Variants in P4HB observed in about 807,000 individuals in gnomAD.
The protein encoded by P4HB is protein disulfide-isomerase.
A neutral mutation model predicts 52.6 loss-of-function variants in P4HB; 20 were observed. That is an observed-to-expected ratio of 0.38 (90% CI 0.27 to 0.55). The LOEUF is 0.55. P4HB is among the 20% of genes least tolerant of loss of function. The pLI is 0.74. For missense variants in P4HB, 601 were observed against 669.2 expected, an observed-to-expected ratio of 0.90 and a Z score of 1.12; for synonymous variants, 296 against 277.9, an observed-to-expected ratio of 1.07 and a Z score of -0.65.
Position 81,843,751 on chromosome 17 carries a change from A to G in P4HB, c.*261T>C. 1 of 584,464 alleles carries G rather than the reference A, an allele frequency of 1.7e-6. No homozygotes were observed. 36.2% of individuals were successfully genotyped at this position (584,464 alleles called of 1,614,324 possible). On this transcript the variant is annotated 3_prime_UTR_variant, in exon 11 of 11. Coordinates refer to ENST00000331483, the MANE Select transcript of P4HB (RefSeq NM_000918.4). ...CACTCTGGACAGACTCATGTATGAAAAAGTACATCATGGTTTCAGGAAACA... is the reference window on the plus strand; with the variant it reads ...CACTCTGGACAGACTCATGTATGAAGAAGTACATCATGGTTTCAGGAAACA...
intron 2 of P4HB, among the ~76,000 whole-genome samples, chr17:81,856,241 A>G (rs1293744827): frequency 6.6e-6 from 1 of 151,228 alleles, no homozygotes; most frequent in Non-Finnish European, 1.5e-5. Flanking sequence ...ATCATGGCTC[A>G]CTGCAACCTC....
chr17:81,854,158 C>T (rs1158765858), intron 4 of P4HB, among the ~76,000 whole-genome samples: 2 of 152,252 alleles, frequency 1.3e-5, no homozygotes, highest in African/African-American at 2.4e-5. Context: ...ACGCCCAGAG[C>T]GCCAATACTC....
chr17:81,860,112 G>A (rs1182514160), intron 1 of P4HB: 4 of 405,714 alleles, frequency 9.9e-6, no homozygotes, highest in African/African-American at 2.1e-5. Flanking sequence ...ATCCTGCCGT[G>A]CGCAGGGCGG....
chr17:81,846,443 C>T lies in P4HB; in HGVS notation c.1042G>A (p.Glu348Lys), dbSNP rs765688840. The change falls in exon 7 of 11, where the codon GAG (glutamate) becomes AAG (lysine). Residue 348 changes from glutamate (E) to lysine (K), a missense_variant. Coordinates refer to ENST00000331483, the MANE Select transcript of P4HB (RefSeq NM_000918.4). The surrounding 1 kb of genome is among the most constrained non-coding windows in gnomAD (Gnocchi z 5.7). ...RITEFCHRFL[E>K]GKIKPHLMSQ... is the part of the protein sequence containing the mutation. ...CGCGCCTGCACCTTGATTTTGCCCT[C>T]CAGGAAGCGGTGGCAGAACTCTGTG... 6.2e-7 allele frequency: 1 copy of T among 1,613,474 alleles called. No individual in the cohort carries two copies. Among genetic ancestry groups the T allele is most frequent in the Non-Finnish European group, 8.5e-7 (1 of 1,180,026 alleles).
chr17:81,860,331 C>A lies in P4HB; in HGVS notation c.141G>T (p.Glu47Asp). 6 of 1,465,436 alleles carry A rather than the reference C, an allele frequency of 4.1e-6. No homozygotes were observed. Among genetic ancestry groups the A allele is most frequent in the Non-Finnish European group, 5.4e-6 (6 of 1,106,988 alleles). The allele number at this position is 1,465,436 out of a possible 1,614,324, so 90.8% of individuals were successfully genotyped here. Residue 47 changes from glutamate to aspartate, a missense_variant, in exon 1 of 11, where the codon GAG (glutamate) becomes GAT (aspartate). Physicochemically the swap from Glu to Asp is conservative, Grantham distance 45. Coordinates refer to ENST00000331483, the MANE Select transcript of P4HB (RefSeq NM_000918.4). Reference protein sequence around the residue: ...ALAAHKYLLVEFYAPWCGHCK... With the variant: ...ALAAHKYLLVDFYAPWCGHCK... The stretch of plus-strand genomic sequence containing the variant: ...CCCGCCAGGCCCGGCGCTCACAGAA[C>A]TCCACCAGCAGGTACTTGTGGGCCG...
chr17:81,855,207 T>C lies in P4HB; in HGVS notation c.559A>G (p.Thr187Ala), dbSNP rs866092010. Reference sequence around the variant, plus strand: ...TTGGAGAACACGTCACTGTTGGAAGTGATCCCAAATGGTATGTCATCGATG... The same window carrying C: ...TTGGAGAACACGTCACTGTTGGAAGCGATCCCAAATGGTATGTCATCGATG... Reference protein sequence around the residue: ...EAIDDIPFGITSNSDVFSKYQ... With the variant: ...EAIDDIPFGIASNSDVFSKYQ... The change falls in exon 4 of 11, where the codon ACT becomes GCT. Residue 187 changes from threonine to alanine, a missense_variant. Thr to Ala is a moderately conservative substitution (Grantham distance 58, BLOSUM62 0). Coordinates refer to ENST00000331483, the MANE Select transcript of P4HB (RefSeq NM_000918.4). This position sits in a 1 kb window ranked among gnomAD's most constrained non-coding sequence, Gnocchi z 4.3. 5 of 1,613,892 alleles carry C rather than the reference T, an allele frequency of 3.1e-6. No individual in the cohort carries two copies. Among genetic ancestry groups the C allele is most frequent in the Middle Eastern group, 3.3e-4 (2 of 6,080 alleles).
At position 81,846,276 on chromosome 17, in the gene P4HB, G is replaced by T; in HGVS notation, c.1056+153C>A. 1.3e-6 allele frequency: 1 copy of T among 760,988 alleles called. No individual in the cohort carries two copies. The highest frequency in any genetic ancestry group is 2.1e-6 in the Non-Finnish European group (1 of 466,616). 47.1% of individuals were successfully genotyped at this position (760,988 alleles called of 1,614,324 possible). A position where few individuals can be genotyped will look rare whatever the true frequency, so the allele number is the denominator to read the frequency against. On this transcript the variant is annotated intron_variant, in intron 7 of 10. Transcript: ENST00000331483. The surrounding 1 kb of genome is among the most constrained non-coding windows in gnomAD (Gnocchi z 5.7). The stretch of plus-strand genomic sequence containing the variant: ...GGCTCCTACAGGTCCCCAAAGGTGT[G>T]ACAAGAATGGTGGTCTTCACACCAT...
chr17:81,846,049 C>A lies in P4HB; in HGVS notation c.1057-58G>T. On this transcript the variant is annotated intron_variant, in intron 7 of 10. Transcript: ENST00000331483. This position sits in a 1 kb window ranked among gnomAD's most constrained non-coding sequence, Gnocchi z 5.7. ...CGATGCCTGGGGGACCACAGAGCTCCCCAACCCTCACCCTGCCCGGGACTG... is the reference window on the plus strand; with the variant it reads ...CGATGCCTGGGGGACCACAGAGCTCACCAACCCTCACCCTGCCCGGGACTG... 6.6e-7 allele frequency: 1 copy of A among 1,521,752 alleles called. No homozygotes were observed. The highest frequency in any genetic ancestry group is 2.4e-5 in the East Asian group (1 of 42,232). The allele number at this position is 1,521,752 out of a possible 1,614,324, so 94.3% of individuals were successfully genotyped here.
At position 81,845,589 on chromosome 17, in the gene P4HB, T is replaced by C; in HGVS notation, c.1331A>G (p.Lys444Arg). 1 of 1,609,318 alleles carries C rather than the reference T, an allele frequency of 6.2e-7. No individual in the cohort carries two copies. Among genetic ancestry groups the C allele is most frequent in the Non-Finnish European group, 8.5e-7 (1 of 1,176,618 alleles). ...CCTGTCGGCACTGGCAGGAAAGAAC[T>C]TGAGTGTGGGGAAGCTGTGCACTTT... ...AVKVHSFPTL[K>R]FFPASADRTV... The change falls in exon 9 of 11, where the codon AAG becomes AGG. Residue 444 changes from lysine (K) to arginine (R), a missense_variant. Transcript: ENST00000331483.
In P4HB at chr17:81,860,508, C is replaced by G. The variant is rs1257071692; in HGVS notation, c.-37G>C. 2 of 1,240,536 alleles carry G rather than the reference C, an allele frequency of 1.6e-6. No homozygotes were observed. The highest frequency in any genetic ancestry group is 1.6e-5 in the African/African-American group (1 of 64,020). The allele number at this position is 1,240,536 out of a possible 1,614,324, so 76.8% of individuals were successfully genotyped here. A position where few individuals can be genotyped will look rare whatever the true frequency, so the allele number is the denominator to read the frequency against. ...ATCAGGCGGGGCGCTTCGGTTGGCG[C>G]CGCCGGGACAGCGGGGGCGACGAGA... On this transcript the variant is annotated 5_prime_UTR_variant, in exon 1 of 11. Transcript: ENST00000331483.
Position 81,845,682 on chromosome 17 carries a change from G to A in P4HB, c.1238C>T (p.Thr413Met), listed in dbSNP as rs148639349. 1.2e-4 allele frequency: 192 copies of A among 1,613,720 alleles called. No homozygotes were observed. Among genetic ancestry groups the A allele is most frequent in the African/African-American group, 3.7e-4 (28 of 74,924 alleles). ...LAPIWDKLGE[T>M]YKDHENIVIA... Reference sequence around the variant, plus strand: ...GACGATGTTCTCATGGTCCTTGTACGTCTCTCCCAGTTTATCCCAAATGGG... The same window carrying A: ...GACGATGTTCTCATGGTCCTTGTACATCTCTCCCAGTTTATCCCAAATGGG... Residue 413 changes from threonine (T) to methionine (M), a missense_variant, in exon 9 of 11, where the codon ACG becomes ATG. Transcript: ENST00000331483.
In P4HB at chr17:81,855,197, C is replaced by T; in HGVS notation, c.569G>A (p.Ser190Asn). The T allele has an allele frequency of 1.2e-6, 2 of 1,614,054 alleles. No homozygotes were observed. ...DDIPFGITSN[S>N]DVFSKYQLDK... ...GAGCTGGTATTTGGAGAACACGTCACTGTTGGAAGTGATCCCAAATGGTAT... is the reference window on the plus strand; with the variant it reads ...GAGCTGGTATTTGGAGAACACGTCATTGTTGGAAGTGATCCCAAATGGTAT... The change falls in exon 4 of 11, where the codon AGT (serine) becomes AAT (asparagine). Residue 190 changes from serine (S) to asparagine (N), a missense_variant. Coordinates refer to ENST00000331483, the MANE Select transcript of P4HB (RefSeq NM_000918.4). This position sits in a 1 kb window ranked among gnomAD's most constrained non-coding sequence, Gnocchi z 4.3.
rs757352082 is a variant in P4HB at position 81,859,146 on chromosome 17, C to T, written c.352+35G>A. ...TCCAAGTCGGCAGGCCAGTCCCTCTCTAAAGACAGTTCAAGGGCAGTGCCA... is the reference window on the plus strand; with the variant it reads ...TCCAAGTCGGCAGGCCAGTCCCTCTTTAAAGACAGTTCAAGGGCAGTGCCA... On this transcript the variant is annotated intron_variant, in intron 2 of 10. Coordinates refer to ENST00000331483, the MANE Select transcript of P4HB (RefSeq NM_000918.4). The T allele has an allele frequency of 2.7e-5, 43 of 1,599,082 alleles. No homozygotes were observed. The East Asian group carries it at 9.1e-4, about 34-fold the overall frequency.
At chr17:81,858,613 G>A (rs1437461746) in intron 2 of P4HB, among the ~76,000 whole-genome samples, 2 of 152,164 alleles carry the variant, frequency 1.3e-5, no homozygotes, top group Admixed American at 1.3e-4. Flanking sequence ...GGCGGCAGAC[G>A]AGCAGCTGAG....
rs2277706 is a variant in P4HB at position 81,843,795 on chromosome 17, T to G, written c.*217A>C. The stretch of plus-strand genomic sequence containing the variant: ...GGAAACAAGCCCCACCAGGGTGGGC[T>G]GCCTGGAGATGGATCCCTTTCCAAA... On this transcript the variant is annotated 3_prime_UTR_variant, in exon 11 of 11. Coordinates refer to ENST00000331483, the MANE Select transcript of P4HB (RefSeq NM_000918.4). 0.036 allele frequency: 21,471 copies of G among 601,552 alleles called. 1,452 individuals carry two copies. Among genetic ancestry groups the G allele is most frequent in the East Asian group, 0.19 (6,863 of 36,216 alleles). 37.3% of individuals were successfully genotyped at this position (601,552 alleles called of 1,614,324 possible). A position where few individuals can be genotyped will look rare whatever the true frequency, so the allele number is the denominator to read the frequency against.
rs985061784 is a variant in P4HB at position 81,855,744 on chromosome 17, G to A, written c.353-158C>T. ...CCATGGAAGAGGCCCGGTGCCGTCC[G>A]CCCGCCTCCTAAACCCCAGTGTACG... On this transcript the variant is annotated intron_variant, in intron 2 of 10. Transcript: ENST00000331483. The surrounding 1 kb of genome is among the most constrained non-coding windows in gnomAD (Gnocchi z 4.3). 91 of 756,128 alleles carry A rather than the reference G, an allele frequency of 1.2e-4. No individual in the cohort carries two copies. In the African/African-American group the frequency reaches 1.3e-3, roughly 11 times the overall value. 46.8% of individuals were successfully genotyped at this position (756,128 alleles called of 1,614,324 possible). A position where few individuals can be genotyped will look rare whatever the true frequency, so the allele number is the denominator to read the frequency against.
chr17:81,844,629 G>A (rs2038704776), intron 10 of P4HB, among the ~76,000 whole-genome samples: 1 of 152,184 alleles, frequency 6.6e-6, no homozygotes, highest in Non-Finnish European at 1.5e-5. Context: ...CTGCCAGCCT[G>A]GGCTGACCAT....
Position 81,845,686 on chromosome 17 carries a change from C to A in P4HB, c.1234G>T (p.Glu412Ter). The change falls in exon 9 of 11, where the codon GAG (glutamate) becomes TAG (stop). Residue 412 changes from glutamate (E) to a stop codon, truncating the protein, a stop_gained. Coordinates refer to ENST00000331483, the MANE Select transcript of P4HB (RefSeq NM_000918.4). LOFTEE classifies it high-confidence loss of function. Reference protein sequence around the residue: ...QLAPIWDKLGETYKDHENIVI... With the variant: ...QLAPIWDKLG ...ATGTTCTCATGGTCCTTGTACGTCT[C>A]TCCCAGTTTATCCCAAATGGGAGCC... 1 of 1,613,898 alleles carries A rather than the reference C, an allele frequency of 6.2e-7. No homozygotes were observed. The highest frequency in any genetic ancestry group is 8.5e-7 in the Non-Finnish European group (1 of 1,179,830).
Position 81,846,732 on chromosome 17 carries a change from C to T in P4HB, c.856-103G>A, listed in dbSNP as rs2038741803. 3 of 1,319,684 alleles carry T rather than the reference C, an allele frequency of 2.3e-6. No individual in the cohort carries two copies. Among genetic ancestry groups the T allele is most frequent in the Non-Finnish European group, 3.2e-6 (3 of 940,686 alleles). 81.7% of individuals were successfully genotyped at this position (1,319,684 alleles called of 1,614,324 possible). On this transcript the variant is annotated intron_variant, in intron 6 of 10. Coordinates refer to ENST00000331483, the MANE Select transcript of P4HB (RefSeq NM_000918.4). This position sits in a 1 kb window ranked among gnomAD's most constrained non-coding sequence, Gnocchi z 5.7. Reference sequence around the variant, plus strand: ...GACCGTGCTCCGGTGCCTTTTTCCTCCAACCTGGATTCCGGGGTTGCCCAA... The same window carrying T: ...GACCGTGCTCCGGTGCCTTTTTCCTTCAACCTGGATTCCGGGGTTGCCCAA...
Sources: allele counts gnomAD v4.1 joint callset (sites outside exome capture counted in the v4.1 genomes callset), GRCh38; gene constraint gnomAD v4.1.1; non-coding constraint Gnocchi (gnomAD v3.1); transcripts MANE v1.5; gene names NCBI Gene and HGNC (gene_info 2026-07-23, HGNC 2026-07-21).